The following KDR variants were observed in gnomAD, a reference collection of about 807,000 sequenced individuals.
KDR encodes the protein kinase insert domain receptor.
Under a neutral mutation model 160.9 loss-of-function variants are expected in KDR, and 43 were observed. The observed-to-expected ratio is 0.27, with a 90% CI of 0.21 to 0.34. KDR has a LOEUF of 0.34. Ranked by LOEUF, KDR falls within the 10% of genes least tolerant of loss-of-function variation. The probability of loss-of-function intolerance (pLI) is 1.00; values close to 1 mark genes in which losing one functional copy is unlikely to be tolerated. For missense variants in KDR, 1,469 were observed against 1,666.4 expected (o/e 0.88, Z 2.06); for synonymous variants, 617 against 600.1 (o/e 1.03, Z -0.41).
intron 21 of KDR, among the ~76,000 whole-genome samples, chr4:55,094,566 C>A (rs558461016): frequency 3.9e-5 from 6 of 152,314 alleles, no homozygotes; most frequent in African/African-American, 1.2e-4. Flanking sequence ...GACTGCTTAG[C>A]CCACTTGGAC....
rs145905001 is a variant in KDR at position 55,098,158 on chromosome 4, G to T, written c.2488C>A (p.Pro830Thr). The change falls in exon 17 of 30, where the codon CCC (proline) becomes ACC (threonine). Residue 830 changes from proline (P) to threonine (T), a missense_variant. Physicochemically the swap from Pro to Thr is conservative, Grantham distance 38. This residue lies in a region of KDR where 118 missense variants were observed against 110.8 expected (regional missense o/e 1.06). Transcript: ENST00000263923. ...GCACCTAGCTTCAGCCGGTCTCTGG[G>T]GAATTCCCATTTGCTGGCATCATAA... The part of the protein sequence containing the change: ...LPYDASKWEF[P>T]RDRLKLGKPL... The T allele has an allele frequency of 6.2e-7, 1 of 1,613,760 alleles. No homozygotes were observed. Among genetic ancestry groups the T allele is most frequent in the Non-Finnish European group, 8.5e-7 (1 of 1,179,872 alleles).
rs773178117 is a variant in KDR, at chr4:55,089,331, C to G, written c.3404+43G>C. 7.8e-6 allele frequency: 11 copies of G among 1,419,142 alleles called. No homozygotes were observed. The Admixed American group carries it at 1.9e-4, about 24-fold the overall frequency. The allele number at this position is 1,419,142 out of a possible 1,614,324, so 87.9% of individuals were successfully genotyped here. The stretch of plus-strand genomic sequence containing the variant: ...AAGTCTTCCAGGCAAGGAGAATTTG[C>G]GAGCAAAGAAAGAGAACACAGGAAT... On this transcript the variant is annotated intron_variant, in intron 25 of 29. Coordinates refer to ENST00000263923, the MANE Select transcript of KDR (RefSeq NM_002253.4).
intron 3 of KDR, among the ~76,000 whole-genome samples, chr4:55,116,307 A>G (rs569774265): frequency 6.6e-6 from 1 of 151,182 alleles, no homozygotes; most frequent in Admixed American, 6.6e-5. Flanking sequence ...AGTCCCAGCT[A>G]TTTCAGAGGC....
At chr4:55,096,449 C>CA in intron 18 of KDR, 107 bp from the exon 19 acceptor site, 1 of 758,430 alleles carries the variant, frequency 1.3e-6, no homozygotes, top group Non-Finnish European at 2.3e-6. Flanking sequence ...TCCGGGGTAA[C>CA]ACAGCTGTGA....
rs1720826546 is a variant in KDR, at chr4:55,119,953, G to GT, written c.161+1143dup. 2.0e-5 allele frequency among the ~76,000 whole-genome samples: 3 copies of GT among 152,180 alleles called. No individual in the cohort carries two copies. In the South Asian group the frequency reaches 6.2e-4, roughly 32 times the overall value. On this transcript the variant is annotated intron_variant, in intron 2 of 29. Transcript: ENST00000263923. ...GAAGTTACTTTTAACACACTCCATG[G>GT]TTTTTTTCAGAACATAAGAAATGTT...
chr4:55,107,681 T>C, intron 10 of KDR, 56 bp downstream of exon 10: 1 of 1,610,350 alleles, frequency 6.2e-7, no homozygotes, highest in Non-Finnish European at 8.5e-7. Flanking sequence ...ATATCATAGC[T>C]CAGCTGTAAG....
chr4:55,110,446 A>C lies in KDR; in HGVS notation c.1212T>G (p.Ile404Met). The C allele has an allele frequency of 6.2e-7, 1 of 1,614,090 alleles. No homozygotes were observed. The highest frequency in any genetic ancestry group is 8.5e-7 in the Non-Finnish European group (1 of 1,179,982). ...GNYTVILTNP[I>M]SKEKQSHVVS... ...CCACATGGCTCTGCTTCTCCTTTGA[A>C]ATGGGATTGGTAAGGATGACAGTGT... Residue 404 changes from isoleucine (I) to methionine (M), a missense_variant, in exon 9 of 30, where the codon ATT (isoleucine) becomes ATG (methionine). Ile to Met is a conservative substitution (Grantham distance 10, BLOSUM62 1). Coordinates refer to ENST00000263923, the MANE Select transcript of KDR (RefSeq NM_002253.4).
intron 13 of KDR, 91 bp from the exon 14 acceptor site, chr4:55,102,599 G>T: frequency 7.2e-7 from 1 of 1,392,922 alleles, no homozygotes. Flanking sequence ...TTTAAATTTA[G>T]TAAAAAGGAA....
intron 5 of KDR, 68 bp from the exon 6 acceptor site, chr4:55,114,333 A>AT (rs1274056708): frequency 4.5e-6 from 7 of 1,541,898 alleles, no homozygotes; most frequent in African/African-American, 2.7e-5. Flanking sequence ...GCACAGATTT[A>AT]TTTTTTAAAG....
chr4:55,122,445 G>A (rs752405038), intron 1 of KDR, among the ~76,000 whole-genome samples: 30 of 152,144 alleles, frequency 2.0e-4, no homozygotes, highest in Non-Finnish European at 4.1e-4. Flanking sequence ...ACCTTGCTGG[G>A]CAAATAAGAG....
In KDR at chr4:55,087,585, G is replaced by T. The variant is rs201171220; in HGVS notation, c.3662+22C>A. 7 of 1,612,672 alleles carry T rather than the reference G, an allele frequency of 4.3e-6. No individual in the cohort carries two copies. In the African/African-American group the frequency reaches 8.0e-5, roughly 18 times the overall value. ...GCCTTGAAGTCACCCTCCCCCGGGG[G>T]ATGTTAGGCCATATACAGTACCTGA... On this transcript the variant is annotated intron_variant, in intron 27 of 29. Coordinates refer to ENST00000263923, the MANE Select transcript of KDR (RefSeq NM_002253.4).
chr4:55,100,133 CA>C lies in KDR; in HGVS notation c.2267-1331del, dbSNP rs562105072. Among the ~76,000 whole-genome samples the C allele has an allele frequency of 6.6e-5, 10 of 152,282 alleles. No homozygotes were observed. In the East Asian group the frequency reaches 1.9e-3, roughly 29 times the overall value. On this transcript the variant is annotated intron_variant, in intron 15 of 29. Coordinates refer to ENST00000263923, the MANE Select transcript of KDR (RefSeq NM_002253.4). ...GAGTGCAAGGAGAATCAAACCGGGC[CA>C]CAAGCTGTGCGGATGGCCCACTACG... is the stretch of plus-strand genomic sequence containing the variant.
chr4:55,110,596 T>G, intron 8 of KDR, 30 bp from the exon 9 acceptor site: 1 of 1,612,716 alleles, frequency 6.2e-7, no homozygotes, highest in Non-Finnish European at 8.5e-7. Context: ...GGAATTAGTA[T>G]AGTCAAAGGA....
In KDR at chr4:55,078,501, T is replaced by TC. The variant is rs1190456069; in HGVS notation, c.*1439_*1440insG. On this transcript the variant is annotated 3_prime_UTR_variant, in exon 30 of 30. Transcript: ENST00000263923. ...ATTCCTTCAAGTTTTTCAATGTTCT[T>TC]TAATAAAATGACATCAATTGCTGAA... 8.6e-6 allele frequency: 2 copies of TC among 232,334 alleles called. No homozygotes were observed. The highest frequency in any genetic ancestry group is 1.7e-5 in the Non-Finnish European group (2 of 117,502). The allele number at this position is 232,334 out of a possible 1,614,324, so 14.4% of individuals were successfully genotyped here.
chr4:55,098,062 A>G, intron 17 of KDR, 75 bp downstream of exon 17: 1 of 1,556,260 alleles, frequency 6.4e-7, no homozygotes, highest in Middle Eastern at 1.7e-4. Flanking sequence ...AATACACCAC[A>G]TTTGTCATCA....
In KDR at chr4:55,118,682, T is replaced by C. The variant is rs1720791876; in HGVS notation, c.280A>G (p.Ile94Val). The change falls in exon 3 of 30, where the codon ATC becomes GTC. Residue 94 changes from isoleucine to valine, a missense_variant. Physicochemically the swap from Ile to Val is conservative, Grantham distance 29 (BLOSUM62 3). Transcript: ENST00000263923. Reference sequence around the variant, plus strand: ...TTGTAGGCTCCAGTGTCATTTCCGATCACTTTTGGAATTGTGAGTGTCTTA... The same window carrying C: ...TTGTAGGCTCCAGTGTCATTTCCGACCACTTTTGGAATTGTGAGTGTCTTA... ...FCKTLTIPKV[I>V]GNDTGAYKCF... 3 of 1,614,154 alleles carry C rather than the reference T, an allele frequency of 1.9e-6. No individual in the cohort carries two copies. Among genetic ancestry groups the C allele is most frequent in the Middle Eastern group, 1.6e-4 (1 of 6,062 alleles).
At chr4:55,120,422 A>T (rs1720841403) in intron 2 of KDR, among the ~76,000 whole-genome samples, 1 of 152,092 alleles carries the variant, frequency 6.6e-6, no homozygotes, top group Non-Finnish European at 1.5e-5. Flanking sequence ...GAAAGGCAAA[A>T]TTTAAAGGCC....
chr4:55,082,109 T>A, intron 28 of KDR, 68 bp from the exon 29 acceptor site: 1 of 1,103,666 alleles, frequency 9.1e-7, no homozygotes, highest in Non-Finnish European at 1.4e-6. Context: ...TTAATTAAGC[T>A]GATTTCTCAA....
chr4:55,080,988 A>C (rs4864951), intron 29 of KDR, among the ~76,000 whole-genome samples: 39,537 of 152,162 alleles, frequency 0.26, 6,220 homozygotes, highest in African/African-American at 0.44. Context: ...TGAGAAATAC[A>C]ATTTTTTCTT....
Sources: gnomAD v4.1 joint callset for allele counts (sites outside exome capture counted in the v4.1 genomes callset) on GRCh38, gnomAD v4.1.1 for gene constraint, gnomAD v4.1.1 regional missense constraint, MANE v1.5 for transcripts, NCBI Gene and HGNC (gene_info 2026-07-23, HGNC 2026-07-21) for gene names.